RBM25: variants seen among roughly 807,000 people sequenced by gnomAD.
RBM25 encodes the protein RNA binding motif protein 25.
In RBM25, 19 loss-of-function variants were observed where a neutral mutation model predicts 120.7. That is an observed-to-expected ratio of 0.16 (90% CI 0.11 to 0.23). The LOEUF (loss-of-function observed/expected upper bound fraction) is 0.23, where lower values mean the gene tolerates loss of function less well. Ranked by LOEUF, RBM25 falls within the 10% of genes least tolerant of loss-of-function variation. RBM25 has a pLI of 1.00. For synonymous variants in RBM25, 390 were observed against 326.7 expected (o/e 1.19, Z -2.09); for missense variants, 605 against 1,041.5 (o/e 0.58, Z 5.77).
intron 16 of RBM25, among the ~76,000 whole-genome samples, 156 bp downstream of exon 16, chr14:73,111,958 T>C (rs1594935468): frequency 6.6e-6 from 1 of 152,170 alleles, no homozygotes; most frequent in Admixed American, 6.5e-5. Context: ...GTCAAGAAAT[T>C]AGTAATAATG....
chr14:73,081,576 T>G (rs1895564492), intron 4 of RBM25, among the ~76,000 whole-genome samples: 1 of 152,198 alleles, frequency 6.6e-6, no homozygotes, highest in African/African-American at 2.4e-5. Flanking sequence ...ATCTTGCTTG[T>G]GCCGACACAT....
chr14:73,077,012 C>T (rs886697777), intron 3 of RBM25, among the ~76,000 whole-genome samples: 2 of 152,144 alleles, frequency 1.3e-5, no homozygotes, highest in African/African-American at 4.8e-5. Context: ...ACCCAGGAGG[C>T]GGAGGTTGCA....
intron 1 of RBM25, among the ~76,000 whole-genome samples, chr14:73,063,340 G>T (rs573268235): frequency 6.6e-6 from 1 of 151,000 alleles, no homozygotes; most frequent in South Asian, 2.1e-4. Context: ...TAGTAGAGAC[G>T]AGATTTCACT....
intron 10 of RBM25, among the ~76,000 whole-genome samples, chr14:73,104,432 A>G (rs1252192971): frequency 2.6e-5 from 4 of 151,240 alleles, no homozygotes; most frequent in South Asian, 4.2e-4. Flanking sequence ...GCAGTGGTAC[A>G]GTGTTGGCTC....
At chr14:73,110,209 G>A (rs965130575) in intron 14 of RBM25, among the ~76,000 whole-genome samples, 2 of 150,744 alleles carry the variant, frequency 1.3e-5, no homozygotes, top group African/African-American at 4.9e-5. Flanking sequence ...CTGAGACAGA[G>A]TCTGGCTTTG....
Position 73,120,111 on chromosome 14 carries a change from T to A in RBM25, c.*306T>A. On this transcript the variant is annotated 3_prime_UTR_variant, in exon 19 of 19. Coordinates refer to ENST00000261973, the MANE Select transcript of RBM25 (RefSeq NM_021239.3). ...CTGCTGATTTGTTTCTTGTAAATAT[T>A]AAAACGACTCCCCAATTATTTTGCA... 9.8e-5 allele frequency: 20 copies of A among 204,806 alleles called. No homozygotes were observed. Among genetic ancestry groups the A allele is most frequent in the Non-Finnish European group, 1.5e-4 (16 of 103,896 alleles). The allele number at this position is 204,806 out of a possible 1,614,324, so 12.7% of individuals were successfully genotyped here. A position where few individuals can be genotyped will look rare whatever the true frequency, so the allele number is the denominator to read the frequency against.
intron 1 of RBM25, among the ~76,000 whole-genome samples, chr14:73,063,303 C>G (rs1281212895): frequency 2.6e-5 from 4 of 151,106 alleles, no homozygotes; most frequent in African/African-American, 9.7e-5. Context: ...GCGCCTGCCA[C>G]TATGCCCGGC....
intron 10 of RBM25, 128 bp from the exon 11 acceptor site, chr14:73,105,731 G>T: frequency 7.1e-7 from 1 of 1,401,074 alleles, no homozygotes; most frequent in Non-Finnish European, 9.6e-7. Context: ...TAGTTTTATG[G>T]AAATCAAGTG....
At chr14:73,100,152 A>G (rs1896030009) in intron 9 of RBM25, 1 of 477,066 alleles carries the variant, frequency 2.1e-6, no homozygotes, top group African/African-American at 2.0e-5. Context: ...ATTAAAATTT[A>G]CATTTTATAT....
intron 2 of RBM25, among the ~76,000 whole-genome samples, chr14:73,075,489 G>GAATA: frequency 6.6e-6 from 1 of 152,000 alleles, no homozygotes; most frequent in Middle Eastern, 3.4e-3. Flanking sequence ...AAAGAGCCAG[G>GAATA]AATAACAAGA....
intron 6 of RBM25, among the ~76,000 whole-genome samples, chr14:73,091,309 C>T (rs1895808640): frequency 6.6e-6 from 1 of 152,150 alleles, no homozygotes; most frequent in Admixed American, 6.6e-5. Context: ...TCACTGCAAC[C>T]TCCTATTCCC....
In RBM25 at chr14:73,109,315, G is replaced by T. The variant is rs17124600; in HGVS notation, c.1542-27G>T. The T allele has an allele frequency of 7.8e-3, 12,443 of 1,601,166 alleles. 919 individuals are homozygous for T. The African/African-American group carries it at 0.15, about 20-fold the overall frequency. On this transcript the variant is annotated intron_variant, in intron 13 of 18. Transcript: ENST00000261973. ...CTTCTCAATGATCGGAGTATTAAAT[G>T]AAGCCTTTTATCATTCACTTTTACA... is the stretch of plus-strand genomic sequence containing the variant.
At chr14:73,061,112 TAGTGGCGCG>T (rs1268729474) in intron 1 of RBM25, among the ~76,000 whole-genome samples, 6 of 150,116 alleles carry the variant, frequency 4.0e-5, no homozygotes, top group Admixed American at 2.0e-4. Context: ...GGCTGGAGTG[TAGTGGCGCG>T]ATCTCACCTC....
chr14:73,103,793 A>T (rs1459830777), intron 10 of RBM25, among the ~76,000 whole-genome samples: 1 of 151,850 alleles, frequency 6.6e-6, no homozygotes, highest in African/African-American at 2.4e-5. Flanking sequence ...GCCTCAAGTG[A>T]TCCGCCTGCC....
At chr14:73,097,139 G>T in intron 7 of RBM25, 39 bp downstream of exon 7, 10 of 1,299,044 alleles carry the variant, frequency 7.7e-6, no homozygotes, top group South Asian at 3.2e-5. Flanking sequence ...TCTACCGTTT[G>T]TTTTTTATGA....
At chr14:73,089,305 G>A (rs530069883) in intron 6 of RBM25, among the ~76,000 whole-genome samples, 2 of 152,210 alleles carry the variant, frequency 1.3e-5, no homozygotes, top group Admixed American at 6.5e-5. Context: ...CACTGTAGGC[G>A]GTTTGGATGT....
At chr14:73,068,503 T>A in intron 1 of RBM25, 1 of 899,888 alleles carries the variant, frequency 1.1e-6, no homozygotes, top group Non-Finnish European at 1.8e-6. Flanking sequence ...TGCCGCATGT[T>A]GTATTTTCAA....
chr14:73,062,480 T>C lies in RBM25; in HGVS notation c.-16+3775T>C, dbSNP rs1442893258. ...GGAGCTAGTCTAAAATAATCTATCC[T>C]GGGAGAAATAATTTTGTTTCTATCT... is the stretch of plus-strand genomic sequence containing the variant. On this transcript the variant is annotated intron_variant, in intron 1 of 18. Transcript: ENST00000261973. Among the ~76,000 whole-genome samples the C allele has an allele frequency of 1.3e-5, 2 of 151,450 alleles. 1 individual carries two copies. Among genetic ancestry groups the C allele is most frequent in the Non-Finnish European group, 3.0e-5 (2 of 67,584 alleles).
At chr14:73,100,660 A>G (rs1482060785) in intron 9 of RBM25, 4 of 209,972 alleles carry the variant, frequency 1.9e-5, no homozygotes, top group Admixed American at 5.8e-5. Flanking sequence ...GAAATGTTAA[A>G]TGTTCATTTT....
Sources: allele counts gnomAD v4.1 joint callset (sites outside exome capture counted in the v4.1 genomes callset), GRCh38; gene constraint gnomAD v4.1.1; transcripts MANE v1.5; gene names NCBI Gene and HGNC (gene_info 2026-07-23, HGNC 2026-07-21).